Variants in IGFN1 observed in about 807,000 individuals in gnomAD.
IGFN1 encodes immunoglobulin like and fibronectin type III domain containing 1.
IGFN1 carries 253 observed loss-of-function variants against 289.5 expected under a neutral mutation model. The observed-to-expected ratio is 0.87, with a 90% CI of 0.79 to 0.97. The LOEUF is 0.97. IGFN1 is among the 50% of genes least tolerant of loss of function. IGFN1 has a pLI of 0.00. For missense variants in IGFN1, 4,470 were observed against 4,686.1 expected (o/e 0.95, Z 1.35); for synonymous variants, 1,706 against 1,788.5 (o/e 0.95, Z 1.16).
chr1:201,197,000 T>G (rs1390616572), intron 4 of IGFN1, among the ~76,000 whole-genome samples: 1 of 152,204 alleles, frequency 6.6e-6, no homozygotes, highest in East Asian at 1.9e-4. Context: ...TCTTTCTACT[T>G]CGCTACATTG....
At chr1:201,204,718 C>T (rs1168510773) in intron 10 of IGFN1, among the ~76,000 whole-genome samples, 1 of 152,166 alleles carries the variant, frequency 6.6e-6, no homozygotes, top group Non-Finnish European at 1.5e-5. Flanking sequence ...TTAGTTTTCT[C>T]ACCTGTAAAA....
At chr1:201,218,686 G>A in intron 18 of IGFN1, 28 bp downstream of exon 18, 1 of 1,591,524 alleles carries the variant, frequency 6.3e-7, no homozygotes, top group African/African-American at 1.3e-5. Flanking sequence ...CCAGGATGGG[G>A]GTGGAGGTGA....
rs1417857731 is a variant in IGFN1 at position 201,206,915 on chromosome 1, C to A, written c.2022C>A (p.Gly674=). ...ACAGCAATGGGGCAGGAGGTCCTGG[C>A]ACCCTGGAGCTTACTGGAGGAAGAG... ...AGDSNGAGGP[G]TLELTGGRGS... is the part of the protein sequence containing the mutation. The change falls in exon 12 of 24, where the codon GGC becomes GGA. Residue 674 remains glycine, a synonymous_variant. Coordinates refer to ENST00000335211, the MANE Select transcript of IGFN1 (RefSeq NM_001164586.2). 2.0e-6 allele frequency: 3 copies of A among 1,536,190 alleles called. No homozygotes were observed. The highest frequency in any genetic ancestry group is 2.6e-6 in the Non-Finnish European group (3 of 1,146,436).
At chr1:201,217,568 G>T in intron 17 of IGFN1, 108 bp downstream of exon 17, 1 of 1,157,544 alleles carries the variant, frequency 8.6e-7, no homozygotes, top group South Asian at 1.5e-5. Flanking sequence ...CGTCTAGGGT[G>T]GTTTGGCAAC....
At position 201,208,903 on chromosome 1, in the gene IGFN1, G is replaced by A. The variant is rs372199865; in HGVS notation, c.4010G>A (p.Gly1337Glu). 4.5e-4 allele frequency: 687 copies of A among 1,536,570 alleles called. 4 individuals carry two copies. The highest frequency in any genetic ancestry group is 1.5e-3 in the Middle Eastern group (9 of 5,988). ...GGGGCTCCTGAGGGAATAAGTTCAGGGAGCAAGGCAGATTATAGGGGTGGT... is the reference window on the plus strand; with the variant it reads ...GGGGCTCCTGAGGGAATAAGTTCAGAGAGCAAGGCAGATTATAGGGGTGGT... ...DLGAPEGISSGSKADYRGGLQ... is the reference protein window; with the variant it reads ...DLGAPEGISSESKADYRGGLQ... Residue 1337 changes from glycine to glutamate, a missense_variant, in exon 12 of 24, where the codon GGG (glycine) becomes GAG (glutamate). By Grantham distance (98) the Gly-to-Glu change is moderately conservative. This residue lies in a region of IGFN1 where 2,011 missense variants were observed against 1,953.4 expected (regional missense o/e 1.03). Coordinates refer to ENST00000335211, the MANE Select transcript of IGFN1 (RefSeq NM_001164586.2).
Position 201,208,412 on chromosome 1 carries a change from T to TAAGA in IGFN1, c.3522_3523insAAAG (p.Ala1175LysfsTer10). ...GGGATGGGACAAGATGCCCTGGTGC[T>TAAGA]AAGGCCTCTGGAGCTGGAGCTGGTT... is the stretch of plus-strand genomic sequence containing the variant. On this transcript the variant is annotated frameshift_variant, in exon 12 of 24. Coordinates refer to ENST00000335211, the MANE Select transcript of IGFN1 (RefSeq NM_001164586.2). LOFTEE classifies it high-confidence loss of function. The TAAGA allele has an allele frequency of 6.9e-7, 1 of 1,448,798 alleles. No homozygotes were observed. Among genetic ancestry groups the TAAGA allele is most frequent in the Non-Finnish European group, 9.0e-7 (1 of 1,108,532 alleles). 89.7% of individuals were successfully genotyped at this position (1,448,798 alleles called of 1,614,324 possible).
rs1232181984 is a variant in IGFN1, at chr1:201,228,370, A to G, written c.11114-16A>G. The G allele has an allele frequency of 6.2e-7, 1 of 1,613,926 alleles. No individual in the cohort carries two copies. Among genetic ancestry groups the G allele is most frequent in the Non-Finnish European group, 8.5e-7 (1 of 1,179,860 alleles). On this transcript the variant is annotated splice_polypyrimidine_tract_variant and intron_variant, in intron 23 of 23. Transcript: ENST00000335211. ...GCTGCCCCTCTGAACCAACTGGAAT[A>G]TCCTGTGTCTTGCAGAACCCAGCAC...
chr1:201,192,329 C>T (rs905899822), intron 1 of IGFN1, among the ~76,000 whole-genome samples: 1 of 152,180 alleles, frequency 6.6e-6, no homozygotes, highest in East Asian at 1.9e-4. Context: ...AAAATGGAAC[C>T]GCTTGGCCAT....
chr1:201,202,523 C>T (rs1249535523), intron 9 of IGFN1, among the ~76,000 whole-genome samples: 1 of 152,070 alleles, frequency 6.6e-6, no homozygotes, highest in Non-Finnish European at 1.5e-5. Context: ...GTTCCCTCTG[C>T]TTGGCATGCT....
Position 201,198,462 on chromosome 1 carries a change from T to C in IGFN1, c.368-872T>C, listed in dbSNP as rs1464911719. On this transcript the variant is annotated intron_variant, in intron 5 of 23. Coordinates refer to ENST00000335211, the MANE Select transcript of IGFN1 (RefSeq NM_001164586.2). ...TTTATTTTCTATTTTTTGAGACCTG[T>C]TGCCCAGGCTGGAGTGCAGTGGTGT... is the stretch of plus-strand genomic sequence containing the variant. Among the ~76,000 whole-genome samples the C allele has an allele frequency of 2.6e-5, 4 of 151,806 alleles. No individual in the cohort carries two copies. The East Asian group carries it at 7.7e-4, about 29-fold the overall frequency.
chr1:201,201,909 CCCTGCATT>C (rs1415259605), intron 9 of IGFN1, 77 bp downstream of exon 9: 1 of 737,168 alleles, frequency 1.4e-6, no homozygotes, highest in Admixed American at 2.1e-5. Flanking sequence ...ACTATGGGTA[CCCTGCATT>C]CCTCCAAGGG....
chr1:201,220,522 A>T (rs934180278), intron 18 of IGFN1, among the ~76,000 whole-genome samples: 1 of 152,206 alleles, frequency 6.6e-6, no homozygotes, highest in East Asian at 1.9e-4. Flanking sequence ...GAGACAATAG[A>T]TAGGATAAGC....
intron 17 of IGFN1, 65 bp from the exon 18 acceptor site, chr1:201,218,465 A>G: frequency 6.5e-7 from 1 of 1,546,776 alleles, no homozygotes; most frequent in Non-Finnish European, 8.8e-7. Flanking sequence ...ACTTGGAGGC[A>G]CCCAAGCTAT....
rs1403857922 is a variant in IGFN1 at position 201,208,589 on chromosome 1, T to C, written c.3696T>C (p.Tyr1232=). ...GPQGTGVRTA[Y]GERSRGLGPR... ...AGGGAACTGGGGTCAGAACAGCCTA[T>C]GGAGAAAGGTCAAGGGGCCTTGGGC... Residue 1232 remains tyrosine, a synonymous_variant, in exon 12 of 24, where the codon TAT becomes TAC. Transcript: ENST00000335211. The C allele has an allele frequency of 1.2e-5, 18 of 1,490,894 alleles. No individual in the cohort carries two copies. Among genetic ancestry groups the C allele is most frequent in the Non-Finnish European group, 1.2e-5 (14 of 1,128,392 alleles). The allele number at this position is 1,490,894 out of a possible 1,614,324, so 92.4% of individuals were successfully genotyped here.
intron 20 of IGFN1, among the ~76,000 whole-genome samples, chr1:201,224,390 G>GTCTGT (rs1175298524): frequency 1.3e-5 from 2 of 152,130 alleles, no homozygotes; most frequent in African/African-American, 4.8e-5. Context: ...ATGTCCAGAT[G>GTCTGT]TCTGTAGAGG....
intron 23 of IGFN1, among the ~76,000 whole-genome samples, chr1:201,227,431 G>GTT (rs11298107): frequency 1.4e-5 from 2 of 143,060 alleles, no homozygotes; most frequent in Non-Finnish European, 1.5e-5. Context: ...TTTATTTTTA[G>GTT]TTTTTTTTTT....
At chr1:201,224,924 A>G (rs748982614) in intron 21 of IGFN1, 50 bp downstream of exon 21, 26 of 1,438,138 alleles carry the variant, frequency 1.8e-5, no homozygotes, top group Middle Eastern at 2.2e-4. Context: ...GCCACTCACC[A>G]AGGCAAAGAG....
At position 201,221,610 on chromosome 1, in the gene IGFN1, C is replaced by T. The variant is rs529983464; in HGVS notation, c.10065C>T (p.Thr3355=). The change falls in exon 19 of 24, where the codon ACC becomes ACT. Residue 3355 remains threonine, a synonymous_variant. Coordinates refer to ENST00000335211, the MANE Select transcript of IGFN1 (RefSeq NM_001164586.2). Reference sequence around the variant, plus strand: ...AGTGGCTCCCGTGCCATGTGGGCACCGTGCCAGTCACCACCTACACGGCCA... The same window carrying T: ...AGTGGCTCCCGTGCCATGTGGGCACTGTGCCAGTCACCACCTACACGGCCA... ...SLQWLPCHVG[T]VPVTTYTAKG... is the part of the protein sequence containing the mutation. 21 of 1,614,202 alleles carry T rather than the reference C, an allele frequency of 1.3e-5. No individual in the cohort carries two copies. The highest frequency in any genetic ancestry group is 3.3e-4 in the Middle Eastern group (2 of 6,062).
Position 201,211,113 on chromosome 1 carries a change from T to G in IGFN1, c.6220T>G (p.Leu2074Val). The G allele has an allele frequency of 1.3e-6, 2 of 1,514,996 alleles. No homozygotes were observed. Among genetic ancestry groups the G allele is most frequent in the Non-Finnish European group, 1.8e-6 (2 of 1,134,382 alleles). The allele number at this position is 1,514,996 out of a possible 1,614,324, so 93.8% of individuals were successfully genotyped here. Residue 2074 changes from leucine (L) to valine (V), a missense_variant, in exon 12 of 24, where the codon TTA (leucine) becomes GTA (valine). By Grantham distance (32) the Leu-to-Val change is conservative. Around this residue, in one of 8 missense-constraint regions of IGFN1, gnomAD observed 2,218 missense variants for 2,114.1 expected, o/e 1.05. Coordinates refer to ENST00000335211, the MANE Select transcript of IGFN1 (RefSeq NM_001164586.2). The stretch of plus-strand genomic sequence containing the variant: ...GAATGAGGCAGGTTATAGGAAGGAT[T>G]TAGGGGCTCCTAAGGGAATGGGTTC... ...SVNEAGYRKD[L>V]GAPKGMGSGS... is the part of the protein sequence containing the mutation.
Sources: gnomAD v4.1 joint callset for allele counts (sites outside exome capture counted in the v4.1 genomes callset) on GRCh38, gnomAD v4.1.1 for gene constraint, gnomAD v4.1.1 regional missense constraint, MANE v1.5 for transcripts, NCBI Gene and HGNC (gene_info 2026-07-23, HGNC 2026-07-21) for gene names.